The following MYCBPAP variants were observed in gnomAD, a reference collection of about 807,000 sequenced individuals.
MYCBPAP encodes MYCBP associated protein.
MYCBPAP carries 60 observed loss-of-function variants against 106.1 expected under a neutral mutation model. The observed-to-expected ratio is 0.57, with a 90% confidence interval of 0.46 to 0.70. The LOEUF (loss-of-function observed/expected upper bound fraction) is 0.70. Ranked by LOEUF, MYCBPAP falls within the 30% of genes least tolerant of loss-of-function variation. The probability of loss-of-function intolerance (pLI) is 0.00; values close to 1 mark genes in which losing one functional copy is unlikely to be tolerated. For synonymous variants in MYCBPAP, 407 were observed against 440.6 expected (o/e 0.92, Z 0.95); for missense variants, 1,064 against 1,169.3 (o/e 0.91, Z 1.31).
chr17:50,513,690 C>T (rs1443533435), intron 1 of MYCBPAP, among the ~76,000 whole-genome samples: 2 of 152,218 alleles, frequency 1.3e-5, no homozygotes, highest in Non-Finnish European at 2.9e-5. Flanking sequence ...GACGTTTAAT[C>T]ACTTGGAAAG....
At chr17:50,515,329 G>A (rs1353474698) in intron 1 of MYCBPAP, among the ~76,000 whole-genome samples, 2 of 152,078 alleles carry the variant, frequency 1.3e-5, no homozygotes, top group African/African-American at 4.8e-5. Flanking sequence ...GCTCTTTAAA[G>A]ACAAGCTCTG....
chr17:50,517,138 C>T (rs761898504), intron 2 of MYCBPAP, among the ~76,000 whole-genome samples, 155 bp from the exon 3 acceptor site: 1 of 152,138 alleles, frequency 6.6e-6, no homozygotes, highest in Non-Finnish European at 1.5e-5. Context: ...ATATCTGTTA[C>T]ACAGGCATTT....
At position 50,525,023 on chromosome 17, in the gene MYCBPAP, G is replaced by A. The variant is rs140876616; in HGVS notation, c.1782G>A (p.Pro594=). The change falls in exon 13 of 19, where the codon CCG becomes CCA. Residue 594 remains proline, a splice_region_variant and synonymous_variant. Transcript: ENST00000323776. ...ACTTGTTCCGGCACAGAAATCCTCCGGTGAGGCCCAGCGCCAGCCCCTGCC... is the reference window on the plus strand; with the variant it reads ...ACTTGTTCCGGCACAGAAATCCTCCAGTGAGGCCCAGCGCCAGCCCCTGCC... ...EEDLFRHRNP[P]LHYEHQVVQS... 115 of 1,611,930 alleles carry A rather than the reference G, an allele frequency of 7.1e-5. No individual in the cohort carries two copies. The highest frequency in any genetic ancestry group is 9.2e-5 in the Non-Finnish European group (108 of 1,178,872).
In MYCBPAP at chr17:50,508,538, A is replaced by T; in HGVS notation, c.-137A>T. ...TTCCAAGCCGTCTCCGCCCAAGTTGATCGGTGGATGCGCGCCCCCGCGCGG... is the reference window on the plus strand; with the variant it reads ...TTCCAAGCCGTCTCCGCCCAAGTTGTTCGGTGGATGCGCGCCCCCGCGCGG... On this transcript the variant is annotated 5_prime_UTR_variant, in exon 1 of 19. Coordinates refer to ENST00000323776, the MANE Select transcript of MYCBPAP (RefSeq NM_032133.6). 2.6e-6 allele frequency: 4 copies of T among 1,538,716 alleles called. No homozygotes were observed. Among genetic ancestry groups the T allele is most frequent in the Non-Finnish European group, 3.5e-6 (4 of 1,143,898 alleles).
chr17:50,524,915 C>G lies in MYCBPAP; in HGVS notation c.1674C>G (p.Arg558=), dbSNP rs200305585. ...LTAHEAVTVV[R]EVLQELLMGV... is the part of the protein sequence containing the mutation. ...CCCATGAGGCAGTCACCGTCGTTCG[C>G]GAAGTGCTGCAGGAGCTGCTGATGG... Residue 558 remains arginine (R), a synonymous_variant, in exon 13 of 19, where the codon CGC becomes CGG. Transcript: ENST00000323776. 1.9e-6 allele frequency: 3 copies of G among 1,613,904 alleles called. No homozygotes were observed. The highest frequency in any genetic ancestry group is 3.3e-5 in the Admixed American group (2 of 60,006).
chr17:50,508,829 C>G lies in MYCBPAP; in HGVS notation c.76+79C>G, dbSNP rs1288018474. On this transcript the variant is annotated intron_variant, in intron 1 of 18. Coordinates refer to ENST00000323776, the MANE Select transcript of MYCBPAP (RefSeq NM_032133.6). ...CCGGAAAGAGTTCAGGACACGGGGCCTGGAGGATGGGGATGGCACCAGGGA... is the reference window on the plus strand; with the variant it reads ...CCGGAAAGAGTTCAGGACACGGGGCGTGGAGGATGGGGATGGCACCAGGGA... The G allele has an allele frequency of 7.8e-6, 10 of 1,282,558 alleles. No individual in the cohort carries two copies. The Admixed American group carries it at 2.0e-4, about 25-fold the overall frequency. 79.4% of individuals were successfully genotyped at this position (1,282,558 alleles called of 1,614,324 possible).
intron 1 of MYCBPAP, chr17:50,509,257 C>T: frequency 1.5e-6 from 1 of 671,514 alleles, no homozygotes; most frequent in South Asian, 1.6e-5. Flanking sequence ...AGAAGAAAGG[C>T]CTTGCTTGGC....
intron 1 of MYCBPAP, among the ~76,000 whole-genome samples, chr17:50,515,301 GT>G (rs1398453449): frequency 6.6e-6 from 1 of 151,740 alleles, no homozygotes; most frequent in Non-Finnish European, 1.5e-5. Context: ...TCACGGTCTT[GT>G]TTCCCATTGG....
intron 1 of MYCBPAP, 44 bp downstream of exon 1, chr17:50,508,794 G>T (rs1215456572): frequency 5.8e-6 from 9 of 1,542,934 alleles, no homozygotes; most frequent in Non-Finnish European, 7.1e-6. Flanking sequence ...CCCGAGAGGG[G>T]AAGCGGTCCC....
At chr17:50,524,784 G>T (rs2034400529) in intron 12 of MYCBPAP, 93 bp from the exon 13 acceptor site, 3 of 1,278,018 alleles carry the variant, frequency 2.3e-6, no homozygotes, top group Non-Finnish European at 3.3e-6. Flanking sequence ...CAGACCCTAG[G>T]AAGGCACAAA....
intron 1 of MYCBPAP, among the ~76,000 whole-genome samples, chr17:50,511,554 GT>G (rs1395411945): frequency 2.6e-5 from 4 of 152,142 alleles, no homozygotes; most frequent in African/African-American, 9.7e-5. Context: ...TCCCTCCATA[GT>G]TTCCCCGCTC....
chr17:50,528,031 A>T, intron 15 of MYCBPAP, 124 bp from the exon 16 acceptor site: 1 of 768,324 alleles, frequency 1.3e-6, no homozygotes, highest in South Asian at 1.7e-5. Context: ...CTGGCTGTTC[A>T]GGGGTGTGGC....
Position 50,519,410 on chromosome 17 carries a change from C to T in MYCBPAP, c.769-230C>T, listed in dbSNP as rs1035174320. 3 of 599,730 alleles carry T rather than the reference C, an allele frequency of 5.0e-6. No individual in the cohort carries two copies. The African/African-American group carries it at 5.6e-5, about 11-fold the overall frequency. 37.2% of individuals were successfully genotyped at this position (599,730 alleles called of 1,614,324 possible). ...GTCCCCCACCTTTTTTTCTGGTAGA[C>T]CAGTGCAGTACCTGTACCAACCCAC... On this transcript the variant is annotated intron_variant, in intron 6 of 18. Coordinates refer to ENST00000323776, the MANE Select transcript of MYCBPAP (RefSeq NM_032133.6).
chr17:50,516,295 C>T (rs950558350), intron 1 of MYCBPAP, among the ~76,000 whole-genome samples: 8 of 152,106 alleles, frequency 5.3e-5, no homozygotes, highest in African/African-American at 4.8e-5. Flanking sequence ...TGGCCTGAAA[C>T]GAAACATCTT....
chr17:50,526,733 G>A (rs981030140), intron 14 of MYCBPAP, among the ~76,000 whole-genome samples: 2 of 152,178 alleles, frequency 1.3e-5, no homozygotes, highest in African/African-American at 2.4e-5. Flanking sequence ...ACAGGCATGC[G>A]CCACCACATC....
At chr17:50,522,709 A>AAAAAAAATATATAT in intron 10 of MYCBPAP, 2 of 50,042 alleles carry the variant, frequency 4.0e-5, no homozygotes, top group African/African-American at 1.2e-4. Context: ...AAAAAAAAAA[A>AAAAAAAATATATAT]ATATATATAT....
intron 1 of MYCBPAP, chr17:50,514,821 T>C (rs1346126946): frequency 1.1e-5 from 4 of 380,556 alleles, no homozygotes; most frequent in Non-Finnish European, 2.1e-5. Flanking sequence ...CCATGCCTGG[T>C]TAATTTTTTG....
intron 1 of MYCBPAP, among the ~76,000 whole-genome samples, chr17:50,514,270 A>C (rs1378232724): frequency 6.6e-6 from 1 of 152,188 alleles, no homozygotes; most frequent in East Asian, 1.9e-4. Flanking sequence ...ATTTCCTAAA[A>C]AAAGTTGGAT....
chr17:50,529,525 G>A, intron 18 of MYCBPAP: 1 of 374,060 alleles, frequency 2.7e-6, no homozygotes, highest in Non-Finnish European at 5.2e-6. Flanking sequence ...TGCCATAGGA[G>A]GGAGGGGCCA....
Sources: allele counts gnomAD v4.1 joint callset (sites outside exome capture counted in the v4.1 genomes callset), GRCh38; gene constraint gnomAD v4.1.1; transcripts MANE v1.5; gene names NCBI Gene and HGNC (gene_info 2026-07-23, HGNC 2026-07-21).